The following PIGR variants were observed in gnomAD, a reference collection of about 807,000 sequenced individuals.
The protein encoded by PIGR is polymeric immunoglobulin receptor, also known as hepatocellular carcinoma associated protein TB6.
A neutral mutation model predicts 69.5 loss-of-function variants in PIGR; 22 were observed. That is an observed-to-expected ratio of 0.32 (90% CI 0.23 to 0.45). The LOEUF (loss-of-function observed/expected upper bound fraction) is 0.45, where lower values mean the gene tolerates loss of function less well. Among genes scored for constraint, PIGR ranks in the 20% least tolerant of loss-of-function variants. The probability of loss-of-function intolerance (pLI) is 1.00; values close to 1 mark genes in which losing one functional copy is unlikely to be tolerated. For missense variants in PIGR, 885 were observed against 974.0 expected, an observed-to-expected ratio of 0.91 and a Z score of 1.22; for synonymous variants, 413 against 407.6, an observed-to-expected ratio of 1.01 and a Z score of -0.16.
In PIGR at chr1:206,937,495, A is replaced by G. The variant is rs1328186312; in HGVS notation, c.645T>C (p.Ala215=). The G allele has an allele frequency of 6.2e-7, 1 of 1,614,244 alleles. No individual in the cohort carries two copies. The change falls in exon 4 of 11, where the codon GCT becomes GCC. Residue 215 remains alanine (A), a synonymous_variant. Transcript: ENST00000356495. ...VVINQLRLSD[A]GQYLCQAGDD... Reference sequence around the variant, plus strand: ...CCCCAGCCTGGCAGAGATACTGCCCAGCATCGCTGAGCCTGAGTTGGTTGA... The same window carrying G: ...CCCCAGCCTGGCAGAGATACTGCCCGGCATCGCTGAGCCTGAGTTGGTTGA...
intron 3 of PIGR, 37 bp from the exon 4 acceptor site, chr1:206,937,788 G>A (rs775982744): frequency 2.1e-5 from 34 of 1,584,728 alleles, no homozygotes; most frequent in Non-Finnish European, 2.9e-5. Context: ...GGGCAGGCAA[G>A]TTACGATTCT....
In PIGR at chr1:206,937,427, A is replaced by G. The variant is rs747587769; in HGVS notation, c.713T>C (p.Leu238Pro). 4 of 1,614,166 alleles carry G rather than the reference A, an allele frequency of 2.5e-6. No individual in the cohort carries two copies. Reference sequence around the variant, plus strand: ...ATAAACCAGCTCGGGCTCGGGCTTTAGCACTTGGAGGTCAGCATTCTTCTT... The same window carrying G: ...ATAAACCAGCTCGGGCTCGGGCTTTGGCACTTGGAGGTCAGCATTCTTCTT... ...SNKKNADLQV[L>P]KPEPELVYED... is the part of the protein sequence containing the mutation. Residue 238 changes from leucine to proline, a missense_variant, in exon 4 of 11, where the codon CTA (leucine) becomes CCA (proline). Physicochemically the swap from Leu to Pro is moderately conservative, Grantham distance 98. Coordinates refer to ENST00000356495, the MANE Select transcript of PIGR (RefSeq NM_002644.4).
Position 206,930,166 on chromosome 1 carries a change from T to C in PIGR, c.*152A>G. ...CAATTAGGCCAGGCTTTGATGTCAC[T>C]GAGGAGGGGACCAGCACGCCTCTGA... On this transcript the variant is annotated 3_prime_UTR_variant, in exon 11 of 11. Transcript: ENST00000356495. The surrounding 1 kb of genome is among the most constrained non-coding windows in gnomAD (Gnocchi z 4.3). The C allele has an allele frequency of 1.8e-6, 1 of 545,012 alleles. No individual in the cohort carries two copies. The highest frequency in any genetic ancestry group is 3.1e-5 in the South Asian group (1 of 32,274). 33.8% of individuals were successfully genotyped at this position (545,012 alleles called of 1,614,324 possible). A position where few individuals can be genotyped will look rare whatever the true frequency, so the allele number is the denominator to read the frequency against.
chr1:206,935,459 G>A lies in PIGR; in HGVS notation c.1378+27C>T, dbSNP rs1413485468. On this transcript the variant is annotated intron_variant, in intron 5 of 10. Coordinates refer to ENST00000356495, the MANE Select transcript of PIGR (RefSeq NM_002644.4). This position sits in a 1 kb window ranked among gnomAD's most constrained non-coding sequence, Gnocchi z 4.4. ...TGCTGCTGGCTGGAGAGGTTTTAGA[G>A]CTTTCTCCCTCCCTGTCAACTCCTA... 1.3e-6 allele frequency: 2 copies of A among 1,573,902 alleles called. No individual in the cohort carries two copies. Among genetic ancestry groups the A allele is most frequent in the Non-Finnish European group, 1.7e-6 (2 of 1,150,434 alleles).
At chr1:206,943,806 G>C (rs751830815) in intron 1 of PIGR, among the ~76,000 whole-genome samples, 1 of 152,220 alleles carries the variant, frequency 6.6e-6, no homozygotes, top group Non-Finnish European at 1.5e-5. Context: ...GTGGATAAGA[G>C]AGGAGACAAG....
intron 7 of PIGR, among the ~76,000 whole-genome samples, 163 bp downstream of exon 7, chr1:206,932,823 G>A (rs1679783513): frequency 6.6e-6 from 1 of 152,206 alleles, no homozygotes; most frequent in African/African-American, 2.4e-5. Flanking sequence ...ATGGGAGAAG[G>A]GCAGAGGGTA....
intron 2 of PIGR, among the ~76,000 whole-genome samples, chr1:206,940,181 TC>T (rs1479314185): frequency 2.0e-5 from 3 of 152,232 alleles, no homozygotes; most frequent in Non-Finnish European, 2.9e-5. Flanking sequence ...ATAAGTGACT[TC>T]CCTCAGATTT....
At position 206,930,786 on chromosome 1, in the gene PIGR, T is replaced by G; in HGVS notation, c.2200-373A>C. The G allele has an allele frequency of 9.1e-6, 9 of 985,396 alleles. No homozygotes were observed. The highest frequency in any genetic ancestry group is 1.1e-5 in the Non-Finnish European group (9 of 829,910). 61.0% of individuals were successfully genotyped at this position (985,396 alleles called of 1,614,324 possible). A position where few individuals can be genotyped will look rare whatever the true frequency, so the allele number is the denominator to read the frequency against. ...TCCACCAGCCCAGACAGGTAGCTTTTTGGCACCACAAAGTTAAAGGGGAAG... is the reference window on the plus strand; with the variant it reads ...TCCACCAGCCCAGACAGGTAGCTTTGTGGCACCACAAAGTTAAAGGGGAAG... On this transcript the variant is annotated intron_variant, in intron 10 of 10. Coordinates refer to ENST00000356495, the MANE Select transcript of PIGR (RefSeq NM_002644.4). The surrounding 1 kb of genome is among the most constrained non-coding windows in gnomAD (Gnocchi z 4.3).
intron 1 of PIGR, among the ~76,000 whole-genome samples, chr1:206,941,867 G>C (rs532383887): frequency 6.6e-6 from 1 of 152,332 alleles, no homozygotes; most frequent in East Asian, 1.9e-4. Context: ...TCTTGACAAA[G>C]AGAGTGTTAA....
rs1572641371 is a variant in PIGR at position 206,931,662 on chromosome 1, G to A, written c.2140+9C>T. On this transcript the variant is annotated intron_variant, in intron 9 of 10. Transcript: ENST00000356495. ...AGGGGCTGAGCATTCCCTTGAGTGA[G>A]GGTCATACCTTCTTTTCCTCCGAGG... is the stretch of plus-strand genomic sequence containing the variant. 3.7e-6 allele frequency: 6 copies of A among 1,614,064 alleles called. No individual in the cohort carries two copies. Among genetic ancestry groups the A allele is most frequent in the Non-Finnish European group, 5.1e-6 (6 of 1,180,010 alleles).
Position 206,935,444 on chromosome 1 carries a change from T to A in PIGR, c.1378+42A>T, listed in dbSNP as rs61815009. The A allele has an allele frequency of 3.3e-5, 50 of 1,508,330 alleles. No individual in the cohort carries two copies. Among genetic ancestry groups the A allele is most frequent in the Non-Finnish European group, 4.5e-5 (49 of 1,098,010 alleles). 93.4% of individuals were successfully genotyped at this position (1,508,330 alleles called of 1,614,324 possible). A position where few individuals can be genotyped will look rare whatever the true frequency, so the allele number is the denominator to read the frequency against. On this transcript the variant is annotated intron_variant, in intron 5 of 10. Coordinates refer to ENST00000356495, the MANE Select transcript of PIGR (RefSeq NM_002644.4). This position sits in a 1 kb window ranked among gnomAD's most constrained non-coding sequence, Gnocchi z 4.4. ...AGTGGTTGGGGATGCTGCTGCTGGC[T>A]GGAGAGGTTTTAGAGCTTTCTCCCT...
chr1:206,940,460 C>A (rs1256103684), intron 2 of PIGR, 29 bp downstream of exon 2: 1 of 1,550,350 alleles, frequency 6.5e-7, no homozygotes, highest in South Asian at 1.2e-5. Context: ...AGGGGTGGAG[C>A]TTGGAGAGTT....
At position 206,930,463 on chromosome 1, in the gene PIGR, G is replaced by T; in HGVS notation, c.2200-50C>A. 6.3e-7 allele frequency: 1 copy of T among 1,583,074 alleles called. No individual in the cohort carries two copies. The highest frequency in any genetic ancestry group is 1.3e-5 in the African/African-American group (1 of 74,198). On this transcript the variant is annotated intron_variant, in intron 10 of 10. Transcript: ENST00000356495. This position sits in a 1 kb window ranked among gnomAD's most constrained non-coding sequence, Gnocchi z 4.3. ...AGTGTTGGGGGCACTGGCTCAGTGG[G>T]TGGAGTCAGGGGAGGGGAGGTGCTT...
intron 1 of PIGR, among the ~76,000 whole-genome samples, chr1:206,943,380 T>A (rs754165291): frequency 6.6e-6 from 1 of 152,148 alleles, no homozygotes; most frequent in Non-Finnish European, 1.5e-5. Context: ...TTATTGGGTT[T>A]TATATATATG....
intron 1 of PIGR, among the ~76,000 whole-genome samples, chr1:206,944,201 G>A (rs889543099): frequency 3.3e-5 from 5 of 152,224 alleles, no homozygotes; most frequent in African/African-American, 7.2e-5. Context: ...GGGGCCGGGC[G>A]TAGTGGCTCA....
chr1:206,944,883 C>T (rs4844369), intron 1 of PIGR, among the ~76,000 whole-genome samples: 27,614 of 152,112 alleles, frequency 0.18, 2,627 homozygotes, highest in East Asian at 0.34. Context: ...CATAGACTCA[C>T]GGTGTCTTGG....
intron 8 of PIGR, 46 bp from the exon 9 acceptor site, chr1:206,931,848 C>T: frequency 6.2e-7 from 1 of 1,611,534 alleles, no homozygotes; most frequent in East Asian, 2.2e-5. Context: ...GGGCTGGGAC[C>T]TAGAAGGCCA....
At chr1:206,940,130 C>CT (rs1006646725) in intron 2 of PIGR, among the ~76,000 whole-genome samples, 3 of 152,074 alleles carry the variant, frequency 2.0e-5, no homozygotes, top group African/African-American at 7.2e-5. Context: ...ATTTTCTTTT[C>CT]TTTTTTTTCC....
Position 206,929,531 on chromosome 1 carries a change from T to C in PIGR, c.*787A>G, listed in dbSNP as rs969698897. The C allele has an allele frequency of 6.6e-6, 1 of 151,072 alleles. No homozygotes were observed. The highest frequency in any genetic ancestry group is 1.5e-5 in the Non-Finnish European group (1 of 67,800). 9.4% of individuals were successfully genotyped at this position (151,072 alleles called of 1,614,324 possible). ...CACTGCACTCCAGCCTGGGCGACAG[T>C]GAGAGACTCCGTCTCAAAAAAAAAA... On this transcript the variant is annotated 3_prime_UTR_variant, in exon 11 of 11. Transcript: ENST00000356495.
Sources: allele counts gnomAD v4.1 joint callset (sites outside exome capture counted in the v4.1 genomes callset), GRCh38; gene constraint gnomAD v4.1.1; non-coding constraint Gnocchi (gnomAD v3.1); transcripts MANE v1.5; gene names NCBI Gene and HGNC (gene_info 2026-07-23, HGNC 2026-07-21).